CGRRF1: variants seen among roughly 807,000 people sequenced by gnomAD.
The protein encoded by CGRRF1 is cell growth regulator with RING finger domain protein 1.
CGRRF1 carries 32 observed loss-of-function variants against 37.2 expected under a neutral mutation model. That is an observed-to-expected ratio of 0.86 (90% CI 0.65 to 1.16). The LOEUF (loss-of-function observed/expected upper bound fraction) is 1.16, where lower values mean the gene tolerates loss of function less well. Among genes scored for constraint, CGRRF1 ranks in the 50% most tolerant of loss-of-function variants. CGRRF1 has a pLI of 0.00. For synonymous variants in CGRRF1, 141 were observed against 140.3 expected, an observed-to-expected ratio of 1.00 and a Z score of -0.04; for missense variants, 391 against 382.6, an observed-to-expected ratio of 1.02 and a Z score of -0.18.
At chr14:54,527,565 G>A (rs185295518) in intron 2 of CGRRF1, among the ~76,000 whole-genome samples, 5 of 152,096 alleles carry the variant, frequency 3.3e-5, no homozygotes, top group Non-Finnish European at 5.9e-5. Flanking sequence ...TTAATCTCCA[G>A]TTGTCAAAGG....
In CGRRF1 at chr14:54,518,296, A is replaced by C. The variant is rs572362299; in HGVS notation, c.105-4158A>C. Among the ~76,000 whole-genome samples, 59 of 152,274 alleles carry C rather than the reference A, an allele frequency of 3.9e-4. 1 individual carries two copies. The highest frequency in any genetic ancestry group is 8.5e-4 in the Admixed American group (13 of 15,298). On this transcript the variant is annotated intron_variant, in intron 1 of 5. Coordinates refer to ENST00000216420, the MANE Select transcript of CGRRF1 (RefSeq NM_006568.3). ...CGCAGTGGCTCATGCCTGTAATCCT[A>C]GCACTTTGGGAGGCCGAGGTGGGCA... is the stretch of plus-strand genomic sequence containing the variant.
At chr14:54,523,900 A>G (rs2032364168) in intron 2 of CGRRF1, among the ~76,000 whole-genome samples, 1 of 152,088 alleles carries the variant, frequency 6.6e-6, no homozygotes, top group Non-Finnish European at 1.5e-5. Flanking sequence ...ACTTGCTTAC[A>G]TTTCTGGTTT....
chr14:54,518,987 G>A (rs1260633073), intron 1 of CGRRF1, among the ~76,000 whole-genome samples: 1 of 152,162 alleles, frequency 6.6e-6, no homozygotes. Flanking sequence ...TTGTTGCCCA[G>A]GCTGGAGTAC....
chr14:54,531,157 A>G, intron 4 of CGRRF1, 107 bp downstream of exon 4: 1 of 931,686 alleles, frequency 1.1e-6, no homozygotes. Flanking sequence ...GAGGATGTGC[A>G]TTTGGCCTAC....
At chr14:54,512,064 A>G (rs1342201112) in intron 1 of CGRRF1, among the ~76,000 whole-genome samples, 3 of 152,234 alleles carry the variant, frequency 2.0e-5, no homozygotes, top group Non-Finnish European at 4.4e-5. Context: ...ACATCTTTCT[A>G]ATAGTACCAA....
chr14:54,528,652 A>G (rs2032457317), intron 2 of CGRRF1, among the ~76,000 whole-genome samples: 2 of 152,180 alleles, frequency 1.3e-5, no homozygotes. Flanking sequence ...ATGTGTGTAT[A>G]TGTATTTGTG....
Position 54,538,104 on chromosome 14 carries a change from C to T in CGRRF1, c.720C>T (p.Asn240=), listed in dbSNP as rs1016691555. 5.0e-6 allele frequency: 8 copies of T among 1,613,598 alleles called. No individual in the cohort carries two copies. The African/African-American group carries it at 9.3e-5, about 19-fold the overall frequency. The change falls in exon 6 of 6, where the codon AAC becomes AAT. Residue 240 remains asparagine (N), a synonymous_variant. Coordinates refer to ENST00000216420, the MANE Select transcript of CGRRF1 (RefSeq NM_006568.3). The stretch of plus-strand genomic sequence containing the variant: ...CAAATAATAATTTCACTCCCTCCAA[C>T]AATTCCTCTTCAGAAGAAAAAAACA... The part of the protein sequence containing the change: ...MSANNNFTPS[N]NSSSEEKNTD...
intron 1 of CGRRF1, among the ~76,000 whole-genome samples, chr14:54,517,465 A>T (rs2032236765): frequency 6.6e-6 from 1 of 152,030 alleles, no homozygotes; most frequent in Non-Finnish European, 1.5e-5. Flanking sequence ...TCAGTGTTAG[A>T]CTTGTGTGTT....
intron 2 of CGRRF1, among the ~76,000 whole-genome samples, chr14:54,528,087 G>A (rs961994409): frequency 3.3e-5 from 5 of 151,636 alleles, no homozygotes; most frequent in African/African-American, 1.2e-4. Flanking sequence ...ATCCATTCTT[G>A]TGAGATAAAC....
Position 54,537,725 on chromosome 14 carries a change from T to C in CGRRF1, c.574T>C (p.Ser192Pro). ...EDDREIYDII[S>P]MVSVIHIPDR... Reference sequence around the variant, plus strand: ...CAGTGTTCAATTTTTATTTTAGATTTCCATGGTGTCAGTGATTCATATTCC... The same window carrying C: ...CAGTGTTCAATTTTTATTTTAGATTCCCATGGTGTCAGTGATTCATATTCC... The change falls in exon 5 of 6, where the codon TCC becomes CCC. Residue 192 changes from serine to proline, a missense_variant. Physicochemically the swap from Ser to Pro is moderately conservative, Grantham distance 74 (BLOSUM62 -1). Coordinates refer to ENST00000216420, the MANE Select transcript of CGRRF1 (RefSeq NM_006568.3). 1.9e-6 allele frequency: 3 copies of C among 1,558,942 alleles called. No homozygotes were observed. The highest frequency in any genetic ancestry group is 2.6e-6 in the Non-Finnish European group (3 of 1,158,396).
At chr14:54,531,985 T>A (rs754395431) in intron 4 of CGRRF1, among the ~76,000 whole-genome samples, 2 of 152,204 alleles carry the variant, frequency 1.3e-5, no homozygotes, top group Non-Finnish European at 2.9e-5. Flanking sequence ...AACATGAACT[T>A]ATTTTTTTCT....
In CGRRF1 at chr14:54,522,559, A is replaced by G. The variant is rs755207853; in HGVS notation, c.210A>G (p.Leu70=). Residue 70 remains leucine, a synonymous_variant, in exon 2 of 6, where the codon TTA becomes TTG. Coordinates refer to ENST00000216420, the MANE Select transcript of CGRRF1 (RefSeq NM_006568.3). ...QMRQVKNPFG[L]EITNPSSASI... The stretch of plus-strand genomic sequence containing the variant: ...GACAAGTCAAGAATCCTTTTGGCTT[A>G]GAGATCACTAATCCATCTTCAGCTT... The G allele has an allele frequency of 1.2e-6, 2 of 1,601,512 alleles. No individual in the cohort carries two copies. The highest frequency in any genetic ancestry group is 1.7e-6 in the Non-Finnish European group (2 of 1,175,762).
intron 2 of CGRRF1, among the ~76,000 whole-genome samples, chr14:54,527,841 C>T (rs1156288573): frequency 1.3e-5 from 2 of 151,750 alleles, no homozygotes; most frequent in Non-Finnish European, 1.5e-5. Context: ...TGACTGCAGC[C>T]GTGATCCTCC....
At chr14:54,532,639 G>T (rs1026208130) in intron 4 of CGRRF1, among the ~76,000 whole-genome samples, 1 of 150,886 alleles carries the variant, frequency 6.6e-6, no homozygotes, top group Non-Finnish European at 1.5e-5. Context: ...CAGCAGTAGT[G>T]TATTTCCAGA....
intron 1 of CGRRF1, among the ~76,000 whole-genome samples, chr14:54,516,621 A>T (rs1474242744): frequency 6.6e-6 from 1 of 151,630 alleles, no homozygotes; most frequent in African/African-American, 2.4e-5. Context: ...AAGCAATTTG[A>T]TTATTATGTG....
At chr14:54,529,063 C>T (rs2032464319) in intron 2 of CGRRF1, among the ~76,000 whole-genome samples, 1 of 152,144 alleles carries the variant, frequency 6.6e-6, no homozygotes, top group Non-Finnish European at 1.5e-5. Context: ...TATTGGGTAG[C>T]TTACAGAATT....
In CGRRF1 at chr14:54,538,005, A is replaced by G. The variant is rs1003440689; in HGVS notation, c.679-58A>G. ...TTTAAGCCGCTTCTTATGACCCCCAATTTTAAAGAGTAATTGTTATTTATA... is the reference window on the plus strand; with the variant it reads ...TTTAAGCCGCTTCTTATGACCCCCAGTTTTAAAGAGTAATTGTTATTTATA... On this transcript the variant is annotated intron_variant, in intron 5 of 5. Transcript: ENST00000216420. The G allele has an allele frequency of 2.7e-5, 40 of 1,460,084 alleles. No individual in the cohort carries two copies. The African/African-American group carries it at 3.2e-4, about 12-fold the overall frequency. The allele number at this position is 1,460,084 out of a possible 1,614,324, so 90.4% of individuals were successfully genotyped here.
chr14:54,526,356 A>G (rs1441657234), intron 2 of CGRRF1, among the ~76,000 whole-genome samples: 4 of 151,586 alleles, frequency 2.6e-5, no homozygotes, highest in African/African-American at 7.3e-5. Flanking sequence ...TCACCGTGTT[A>G]TCCAGGATGG....
chr14:54,510,751 C>T (rs949362185), intron 1 of CGRRF1, among the ~76,000 whole-genome samples: 2 of 152,136 alleles, frequency 1.3e-5, no homozygotes, highest in Non-Finnish European at 2.9e-5. Flanking sequence ...ATTCTTCTAG[C>T]CTAGAGGTTC....
Sources: allele counts gnomAD v4.1 joint callset (sites outside exome capture counted in the v4.1 genomes callset), GRCh38; gene constraint gnomAD v4.1.1; transcripts MANE v1.5; gene names NCBI Gene and HGNC (gene_info 2026-07-23, HGNC 2026-07-21).